EML1: variants seen among roughly 807,000 people sequenced by gnomAD.
EML1 encodes echinoderm microtubule-associated protein-like 1.
A neutral mutation model predicts 110.4 loss-of-function variants in EML1; 27 were observed. The ratio of observed to expected loss-of-function variants is 0.24; its 90% CI spans 0.18 to 0.34. The LOEUF is 0.34. EML1 is among the 10% of genes least tolerant of loss of function. EML1 has a pLI of 1.00. For synonymous variants in EML1, 344 were observed against 385.8 expected (o/e 0.89, Z 1.27); for missense variants, 741 against 1,030.9 (o/e 0.72, Z 3.85).
At chr14:99,815,363 G>A (rs1441271558) in intron 1 of EML1, among the ~76,000 whole-genome samples, 3 of 151,874 alleles carry the variant, frequency 2.0e-5, no homozygotes, top group Admixed American at 6.6e-5. Context: ...GGATGGTCTC[G>A]ATCTCCTGAC....
intron 1 of EML1, among the ~76,000 whole-genome samples, chr14:99,762,870 A>G (rs1566853972): frequency 6.6e-6 from 1 of 152,186 alleles, no homozygotes; most frequent in Non-Finnish European, 1.5e-5. Context: ...CTGGTAGAAG[A>G]TAAGTTGTTA....
chr14:99,909,227 G>T, intron 10 of EML1, 118 bp from the exon 11 acceptor site: 1 of 1,439,594 alleles, frequency 6.9e-7, no homozygotes, highest in East Asian at 2.3e-5. Flanking sequence ...GAAATAATAG[G>T]CATTGTGCTT....
intron 1 of EML1, among the ~76,000 whole-genome samples, chr14:99,776,056 G>A (rs576473262): frequency 3.0e-4 from 45 of 152,254 alleles, no homozygotes; most frequent in Middle Eastern, 6.8e-3. Context: ...TTCAAATGGT[G>A]CAACAAAATG....
chr14:99,928,230 G>A (rs1331795133), intron 17 of EML1, among the ~76,000 whole-genome samples: 16 of 113,576 alleles, frequency 1.4e-4, no homozygotes, highest in South Asian at 2.8e-4. Context: ...GGTGGTGGTG[G>A]TGGTGGTGGT....
At chr14:99,870,328 C>T (rs1432541908) in intron 3 of EML1, among the ~76,000 whole-genome samples, 3 of 152,148 alleles carry the variant, frequency 2.0e-5, no homozygotes, top group Non-Finnish European at 2.9e-5. Context: ...TTGAAGCCAG[C>T]AGAGGTTGGC....
In EML1 at chr14:99,739,146, G is replaced by A. The variant is rs1161037757; in HGVS notation, c.28+1286G>A. Reference sequence around the variant, plus strand: ...TGTGTGTGTGTGTGTGTGTGTGTGTGTGTGTGTGTTGGGGAGGGGTACATT... The same window carrying A: ...TGTGTGTGTGTGTGTGTGTGTGTGTATGTGTGTGTTGGGGAGGGGTACATT... On this transcript the variant is annotated intron_variant, in intron 1 of 10. Coordinates refer to the EML1 transcript ENST00000554479. 1.1e-3 allele frequency among the ~76,000 whole-genome samples: 116 copies of A among 106,360 alleles called. 1 individual carries two copies. The highest frequency in any genetic ancestry group is 2.9e-3 in the African/African-American group (102 of 34,704). The allele number at this position is 106,360 out of a possible 152,430, so 69.8% of individuals were successfully genotyped here. A position where few individuals can be genotyped will look rare whatever the true frequency, so the allele number is the denominator to read the frequency against.
At chr14:99,866,570 CAAA>C (rs57796662) in intron 3 of EML1, among the ~76,000 whole-genome samples, 4,336 of 78,736 alleles carry the variant, frequency 0.055, 141 homozygotes, top group African/African-American at 0.24. Flanking sequence ...AACTCCATCT[CAAA>C]AAAAAAAAAA....
At chr14:99,783,645 C>T (rs1322950332) in intron 1 of EML1, among the ~76,000 whole-genome samples, 1 of 148,994 alleles carries the variant, frequency 6.7e-6, no homozygotes, top group African/African-American at 2.4e-5. Flanking sequence ...CCTCCATGCC[C>T]GGCTAATTTT....
chr14:99,780,987 A>G (rs921606084), intron 1 of EML1, among the ~76,000 whole-genome samples: 1 of 152,156 alleles, frequency 6.6e-6, no homozygotes, highest in Admixed American at 6.5e-5. Flanking sequence ...CAATGGTTGA[A>G]GCCTCACATT....
At chr14:99,786,061 CAAAAAAAA>C (rs56240053) in intron 1 of EML1, among the ~76,000 whole-genome samples, 4 of 120,400 alleles carry the variant, frequency 3.3e-5, no homozygotes, top group Non-Finnish European at 5.3e-5. Context: ...CCTGGCTGCT[CAAAAAAAA>C]AAAAAAAAAA....
intron 1 of EML1, among the ~76,000 whole-genome samples, chr14:99,824,117 C>T (rs567436263): frequency 6.6e-6 from 1 of 152,252 alleles, no homozygotes; most frequent in African/African-American, 2.4e-5. Context: ...CCACCATGCC[C>T]AGCTAATTTT....
intron 1 of EML1, among the ~76,000 whole-genome samples, chr14:99,741,801 G>T (rs1157721147): frequency 1.3e-5 from 2 of 152,166 alleles, no homozygotes; most frequent in Non-Finnish European, 2.9e-5. Context: ...GAGGTGGGGG[G>T]GCCTGGCGTG....
rs1555403947 is a variant in EML1 at position 99,913,164 on chromosome 14, G to GTTA, written c.1495-996_1495-994dup. Among the ~76,000 whole-genome samples the GTTA allele has an allele frequency of 2.3e-4, 23 of 100,588 alleles. 1 individual carries two copies. The South Asian group carries it at 2.6e-3, about 11-fold the overall frequency. The allele number at this position is 100,588 out of a possible 152,430, so 66.0% of individuals were successfully genotyped here. On this transcript the variant is annotated intron_variant, in intron 13 of 21. Transcript: ENST00000262233. The stretch of plus-strand genomic sequence containing the variant: ...CCATTTTAAGTTGTATTATGGCAGT[G>GTTA]TTATTATTATTATTATTATTAATTA...
At chr14:99,740,362 C>T (rs1004260839) in intron 1 of EML1, among the ~76,000 whole-genome samples, 2 of 152,182 alleles carry the variant, frequency 1.3e-5, no homozygotes, top group Admixed American at 6.5e-5. Flanking sequence ...CCAAGGAGGG[C>T]GAGGCTGGCT....
intron 5 of EML1, among the ~76,000 whole-genome samples, chr14:99,893,130 A>C (rs905298448): frequency 6.6e-6 from 1 of 152,198 alleles, no homozygotes; most frequent in Non-Finnish European, 1.5e-5. Flanking sequence ...GCCTGGCCCC[A>C]GAGGAGAATC....
At chr14:99,908,701 G>GTT (rs907050849) in intron 10 of EML1, among the ~76,000 whole-genome samples, 12 of 152,176 alleles carry the variant, frequency 7.9e-5, no homozygotes, top group Admixed American at 5.9e-4. Context: ...TGGGCTGAAG[G>GTT]TGGCGGAGGT....
chr14:99,794,739 A>G (rs1206683889), intron 1 of EML1, among the ~76,000 whole-genome samples: 1 of 152,232 alleles, frequency 6.6e-6, no homozygotes, highest in African/African-American at 2.4e-5. Context: ...GGAATTAAAG[A>G]AAGTTTCTGC....
At chr14:99,796,186 CAGAGAGAGAGAGAGAGAGAGAGAGAG>C (rs57818494) in intron 1 of EML1, among the ~76,000 whole-genome samples, 1 of 119,206 alleles carries the variant, frequency 8.4e-6, no homozygotes, top group African/African-American at 3.1e-5. Flanking sequence ...GACCCTGTCT[CAGAGAGAGAGAGAGAGAGAGAGAGAG>C]AGAGAGAGAG....
At chr14:99,820,597 A>G (rs1047258268) in intron 1 of EML1, among the ~76,000 whole-genome samples, 2 of 152,242 alleles carry the variant, frequency 1.3e-5, no homozygotes, top group Non-Finnish European at 2.9e-5. Context: ...CAGAGTAATT[A>G]CTTTTCCATT....
Sources: gnomAD v4.1 joint callset for allele counts (sites outside exome capture counted in the v4.1 genomes callset) on GRCh38, gnomAD v4.1.1 for gene constraint, MANE v1.5 for transcripts, NCBI Gene and HGNC (gene_info 2026-07-23, HGNC 2026-07-21) for gene names.